Variants in ESRRG observed in about 807,000 individuals in gnomAD.
ESRRG encodes the protein estrogen related receptor gamma.
A neutral mutation model predicts 44.0 loss-of-function variants in ESRRG; 13 were observed. That is an observed-to-expected ratio of 0.30 (90% CI 0.19 to 0.47). The LOEUF (loss-of-function observed/expected upper bound fraction) is 0.47. ESRRG is among the 20% of genes least tolerant of loss of function. ESRRG has a pLI of 1.00. For missense variants in ESRRG, 395 were observed against 580.6 expected (o/e 0.68, Z 3.29); for synonymous variants, 215 against 214.6 (o/e 1.00, Z -0.02).
chr1:216,553,383 C>A (rs1013135531), intron 5 of ESRRG, among the ~76,000 whole-genome samples: 1 of 152,180 alleles, frequency 6.6e-6, no homozygotes, highest in African/African-American at 2.4e-5. Context: ...TCAGATGATT[C>A]TCTGAAACTG....
chr1:216,930,672 T>C (rs1424622007), intron 2 of ESRRG, among the ~76,000 whole-genome samples: 2 of 152,224 alleles, frequency 1.3e-5, no homozygotes, highest in South Asian at 2.1e-4. Context: ...CTATAATACA[T>C]TGTTGTTTCA....
At chr1:217,077,143 G>T (rs2091375415) in intron 1 of ESRRG, among the ~76,000 whole-genome samples, 1 of 152,130 alleles carries the variant, frequency 6.6e-6, no homozygotes, top group South Asian at 2.1e-4. Flanking sequence ...CATTGCACTG[G>T]CAGTTAGTGG....
chr1:217,111,324 C>T (rs1016366326), intron 1 of ESRRG, among the ~76,000 whole-genome samples: 8 of 152,160 alleles, frequency 5.3e-5, no homozygotes, highest in African/African-American at 1.4e-4. Context: ...CCCCAATCCT[C>T]TCAGCACCCA....
At chr1:216,855,479 C>CAA (rs1234648379) in intron 2 of ESRRG, among the ~76,000 whole-genome samples, 2 of 152,178 alleles carry the variant, frequency 1.3e-5, no homozygotes, top group African/African-American at 4.8e-5. Flanking sequence ...TCAACTCTGA[C>CAA]AGATTAAAAA....
intron 1 of ESRRG, among the ~76,000 whole-genome samples, chr1:217,051,206 G>GGGGCC (rs1553259223): frequency 9.1e-6 from 1 of 110,256 alleles, no homozygotes; most frequent in Non-Finnish European, 2.0e-5. Context: ...AATGGGGGCG[G>GGGGCC]GGGGGGGGGG....
intron 2 of ESRRG, among the ~76,000 whole-genome samples, chr1:216,880,180 G>A (rs980942725): frequency 3.3e-5 from 5 of 151,062 alleles, no homozygotes; most frequent in East Asian, 2.0e-4. Context: ...GGTGGTGGGC[G>A]CCTGTAATCT....
chr1:216,808,003 C>A (rs948918981), intron 2 of ESRRG, among the ~76,000 whole-genome samples: 2 of 152,136 alleles, frequency 1.3e-5, no homozygotes, highest in Non-Finnish European at 2.9e-5. Context: ...GTCTGACACA[C>A]TCCTGTTTTG....
At chr1:216,760,845 T>G (rs2092727903) in intron 2 of ESRRG, among the ~76,000 whole-genome samples, 3 of 152,038 alleles carry the variant, frequency 2.0e-5, no homozygotes, top group Admixed American at 1.3e-4. Flanking sequence ...GGATAGACAC[T>G]CTACTAGACA....
intron 2 of ESRRG, among the ~76,000 whole-genome samples, chr1:216,880,996 T>C (rs929205361): frequency 6.6e-6 from 1 of 152,176 alleles, no homozygotes; most frequent in African/African-American, 2.4e-5. Context: ...GAAAATGAGT[T>C]GTTCTGCAGT....
chr1:217,044,011 C>T (rs2084376141), intron 1 of ESRRG, among the ~76,000 whole-genome samples: 1 of 151,442 alleles, frequency 6.6e-6, no homozygotes, highest in Non-Finnish European at 1.5e-5. Context: ...TAGCCAAAGG[C>T]AAATAAAAAT....
intron 2 of ESRRG, among the ~76,000 whole-genome samples, chr1:216,749,798 TAA>T (rs1317979767): frequency 6.6e-6 from 1 of 152,170 alleles, no homozygotes; most frequent in East Asian, 1.9e-4. Context: ...TTTTTCTACC[TAA>T]GTTAGTCAAA....
intron 2 of ESRRG, among the ~76,000 whole-genome samples, chr1:216,788,211 C>A (rs889757857): frequency 3.3e-5 from 5 of 152,116 alleles, no homozygotes; most frequent in Non-Finnish European, 7.4e-5. Context: ...ATTGGAAGAA[C>A]ATGCCATCTA....
chr1:216,926,752 C>CT (rs1351947626), intron 2 of ESRRG, among the ~76,000 whole-genome samples: 10 of 152,124 alleles, frequency 6.6e-5, no homozygotes, highest in African/African-American at 2.4e-4. Flanking sequence ...AATATTTCCC[C>CT]TGGGGGATCT....
intron 3 of ESRRG, among the ~76,000 whole-genome samples, chr1:216,626,232 T>A (rs138919019): frequency 8.5e-5 from 13 of 152,230 alleles, no homozygotes; most frequent in African/African-American, 3.1e-4. Context: ...GTTTCTGCAA[T>A]ACCACGTTCT....
At chr1:217,002,905 C>G (rs2077231469) in intron 1 of ESRRG, among the ~76,000 whole-genome samples, 1 of 152,112 alleles carries the variant, frequency 6.6e-6, no homozygotes, top group Admixed American at 6.6e-5. Flanking sequence ...CAGAATTGCC[C>G]AACCAAGCTG....
At chr1:216,943,760 A>G (rs1445244564) in intron 1 of ESRRG, among the ~76,000 whole-genome samples, 1 of 152,208 alleles carries the variant, frequency 6.6e-6, no homozygotes, top group East Asian at 1.9e-4. Context: ...CCAGGAAAAG[A>G]TAAACAGAAG....
intron 2 of ESRRG, among the ~76,000 whole-genome samples, chr1:216,760,434 C>T (rs746951689): frequency 7.2e-5 from 11 of 151,746 alleles, no homozygotes; most frequent in Non-Finnish European, 1.2e-4. Flanking sequence ...TGAGATTTTG[C>T]TCTTTTAAAA....
At chr1:216,800,692 A>G (rs964151537) in intron 2 of ESRRG, among the ~76,000 whole-genome samples, 3 of 152,178 alleles carry the variant, frequency 2.0e-5, no homozygotes, top group Admixed American at 6.6e-5. Context: ...AGAAAACTGC[A>G]TATGCTCATA....
chr1:216,561,379 A>T (rs1280060344), intron 5 of ESRRG, among the ~76,000 whole-genome samples: 1 of 152,202 alleles, frequency 6.6e-6, no homozygotes, highest in Non-Finnish European at 1.5e-5. Context: ...CTTCACTTTA[A>T]CATAAGCTTT....
Sources: allele counts gnomAD v4.1 joint callset (sites outside exome capture counted in the v4.1 genomes callset), GRCh38; gene constraint gnomAD v4.1.1; transcripts MANE v1.5; gene names NCBI Gene and HGNC (gene_info 2026-07-23, HGNC 2026-07-21).